Variants in CNTN5 observed in about 807,000 individuals in gnomAD.
CNTN5 encodes contactin 5.
Under a neutral mutation model 129.1 loss-of-function variants are expected in CNTN5, and 77 were observed. That is an observed-to-expected ratio of 0.60 (90% CI 0.50 to 0.72). The LOEUF (loss-of-function observed/expected upper bound fraction) is 0.72, where lower values mean the gene tolerates loss of function less well. Ranked by LOEUF, CNTN5 falls within the 30% of genes least tolerant of loss-of-function variation. The probability of loss-of-function intolerance (pLI) is 0.00; values close to 1 mark genes in which losing one functional copy is unlikely to be tolerated. For missense variants in CNTN5, 1,478 were observed against 1,328.8 expected (o/e 1.11, Z -1.75); for synonymous variants, 509 against 465.6 (o/e 1.09, Z -1.20).
chr11:99,225,689 CT>C (rs1860646796), intron 1 of CNTN5, among the ~76,000 whole-genome samples: 1 of 152,064 alleles, frequency 6.6e-6, no homozygotes, highest in Non-Finnish European at 1.5e-5. Context: ...GCTATAGTTA[CT>C]TTTGTCATTA....
intron 3 of CNTN5, among the ~76,000 whole-genome samples, chr11:99,680,034 A>C (rs559602173): frequency 1.3e-5 from 2 of 152,254 alleles, no homozygotes; most frequent in African/African-American, 4.8e-5. Context: ...ATCCTGAGAG[A>C]GATGAGGAAG....
intron 16 of CNTN5, among the ~76,000 whole-genome samples, chr11:100,227,485 C>T (rs1241149197): frequency 1.1e-4 from 17 of 152,092 alleles, no homozygotes; most frequent in Admixed American, 1.1e-3. Flanking sequence ...TGCACTTTCT[C>T]CTCATTTTGC....
At chr11:99,308,814 C>A (rs1357653838) in intron 1 of CNTN5, among the ~76,000 whole-genome samples, 1 of 151,900 alleles carries the variant, frequency 6.6e-6, no homozygotes, top group Non-Finnish European at 1.5e-5. Context: ...CTAACTTATG[C>A]TCTGTTCCTC....
Position 99,744,543 on chromosome 11 carries a change from T to TAAAAAAAAAA in CNTN5, c.56-74980_56-74971dup, listed in dbSNP as rs553540845. 1.2e-3 allele frequency among the ~76,000 whole-genome samples: 46 copies of TAAAAAAAAAA among 37,494 alleles called. 2 individuals carry two copies. Among genetic ancestry groups the TAAAAAAAAAA allele is most frequent in the East Asian group, 4.5e-3 (4 of 886 alleles). 24.6% of individuals were successfully genotyped at this position (37,494 alleles called of 152,430 possible). ...GCAAAACCCCGTCTCTACAAAAAGT[T>TAAAAAAAAAA]AAAAAAAAAAAAAAAAAAAAAAAAA... is the stretch of plus-strand genomic sequence containing the variant. On this transcript the variant is annotated intron_variant, in intron 3 of 24. Coordinates refer to ENST00000524871, the MANE Select transcript of CNTN5 (RefSeq NM_014361.4).
chr11:99,264,239 T>C (rs967339305), intron 1 of CNTN5, among the ~76,000 whole-genome samples: 3 of 150,910 alleles, frequency 2.0e-5, no homozygotes, highest in African/African-American at 4.9e-5. Flanking sequence ...TAATATTATT[T>C]AATTATTCTT....
At chr11:99,975,813 C>T (rs188579269) in intron 8 of CNTN5, among the ~76,000 whole-genome samples, 181 of 152,162 alleles carry the variant, frequency 1.2e-3, no homozygotes, top group South Asian at 4.4e-3. Context: ...CATTCTACCG[C>T]GGCCCCTCCC....
chr11:99,891,320 T>C, intron 6 of CNTN5, among the ~76,000 whole-genome samples: 1 of 151,540 alleles, frequency 6.6e-6, no homozygotes, highest in African/African-American at 2.4e-5. Context: ...TTTTTTGATG[T>C]CCCAATATCT....
chr11:99,481,699 C>A (rs888556153), intron 2 of CNTN5, among the ~76,000 whole-genome samples: 7 of 152,152 alleles, frequency 4.6e-5, no homozygotes, highest in African/African-American at 1.7e-4. Context: ...TAAGTGTTGA[C>A]AACCACCTTA....
chr11:99,613,188 C>T (rs928888382), intron 3 of CNTN5, among the ~76,000 whole-genome samples: 3 of 152,164 alleles, frequency 2.0e-5, no homozygotes, highest in Admixed American at 2.0e-4. Context: ...TTGTAAGCAC[C>T]ATAATGCCCA....
At chr11:99,612,335 T>C (rs1378385496) in intron 3 of CNTN5, among the ~76,000 whole-genome samples, 1 of 152,204 alleles carries the variant, frequency 6.6e-6, no homozygotes, top group Non-Finnish European at 1.5e-5. Flanking sequence ...CTTGAAAGGC[T>C]GTCTCACTTA....
At chr11:100,291,911 T>A (rs1440612273) in intron 18 of CNTN5, among the ~76,000 whole-genome samples, 1 of 151,612 alleles carries the variant, frequency 6.6e-6, no homozygotes, top group Non-Finnish European at 1.5e-5. Context: ...AAAAAAAGGT[T>A]TTTTCTTCTC....
At chr11:100,107,208 A>C in intron 13 of CNTN5, among the ~76,000 whole-genome samples, 1 of 152,172 alleles carries the variant, frequency 6.6e-6, no homozygotes, top group Admixed American at 6.5e-5. Flanking sequence ...CACACTTGTC[A>C]GTAAATTAGA....
chr11:99,021,902 G>C (rs1263485335), intron 1 of CNTN5, among the ~76,000 whole-genome samples: 1 of 152,198 alleles, frequency 6.6e-6, no homozygotes, highest in East Asian at 1.9e-4. Flanking sequence ...ATACGGAAGA[G>C]AATATCAATT....
chr11:99,872,066 A>T (rs1180760425), intron 6 of CNTN5, among the ~76,000 whole-genome samples: 2 of 151,922 alleles, frequency 1.3e-5, no homozygotes, highest in Admixed American at 1.3e-4. Context: ...CATATTTATG[A>T]ACACTGTATT....
chr11:99,817,604 T>C (rs1474676730), intron 3 of CNTN5, among the ~76,000 whole-genome samples: 6 of 146,524 alleles, frequency 4.1e-5, no homozygotes, highest in Non-Finnish European at 6.0e-5. Flanking sequence ...TAGTTTTTTT[T>C]TTTTTTTTTT....
intron 2 of CNTN5, among the ~76,000 whole-genome samples, chr11:99,431,491 A>G (rs910121308): frequency 6.6e-6 from 1 of 152,158 alleles, no homozygotes; most frequent in Admixed American, 6.6e-5. Flanking sequence ...TAAACCTTAG[A>G]TCTCAATGAA....
intron 13 of CNTN5, among the ~76,000 whole-genome samples, chr11:100,127,437 A>C (rs1946226660): frequency 6.6e-6 from 1 of 152,008 alleles, no homozygotes; most frequent in Admixed American, 6.6e-5. Flanking sequence ...TTAAAAAATA[A>C]TGTTGTCCCC....
At chr11:100,200,198 T>C (rs1032440178) in intron 15 of CNTN5, among the ~76,000 whole-genome samples, 3 of 151,920 alleles carry the variant, frequency 2.0e-5, no homozygotes, top group African/African-American at 7.2e-5. Context: ...TACTGGAAAG[T>C]AGTGCTGTAT....
rs150599951 is a variant in CNTN5, at chr11:99,626,851, A to G, written c.55+70582A>G. Among the ~76,000 whole-genome samples, 7 of 152,234 alleles carry G rather than the reference A, an allele frequency of 4.6e-5. No homozygotes were observed. In the East Asian group the frequency reaches 1.2e-3, roughly 25 times the overall value. ...TACTGACTTGATCATTATACATTCT[A>G]TGCATACAGAAATGTATGTTCTTTT... On this transcript the variant is annotated intron_variant, in intron 3 of 24. Coordinates refer to ENST00000524871, the MANE Select transcript of CNTN5 (RefSeq NM_014361.4).
Sources: gnomAD v4.1 joint callset for allele counts (sites outside exome capture counted in the v4.1 genomes callset) on GRCh38, gnomAD v4.1.1 for gene constraint, MANE v1.5 for transcripts, NCBI Gene and HGNC (gene_info 2026-07-23, HGNC 2026-07-21) for gene names.